COL6A3: variants seen among roughly 807,000 people sequenced by gnomAD.
COL6A3 encodes the protein collagen alpha-3(VI) chain.
In COL6A3, 137 loss-of-function variants were observed where a neutral mutation model predicts 274.1. The ratio of observed to expected loss-of-function variants is 0.50; its 90% CI spans 0.44 to 0.58. COL6A3 has a LOEUF of 0.58. Among genes scored for constraint, COL6A3 ranks in the 20% least tolerant of loss-of-function variants. The pLI, the probability that COL6A3 is intolerant of heterozygous loss-of-function variation, is 0.00. For synonymous variants in COL6A3, 1,650 were observed against 1,650.6 expected (o/e 1.00, Z 0.01); for missense variants, 3,950 against 4,124.9 (o/e 0.96, Z 1.16).
Position 237,374,365 on chromosome 2 carries a change from C to T in COL6A3, c.3679+47G>A. 1 of 1,604,144 alleles carries T rather than the reference C, an allele frequency of 6.2e-7. No homozygotes were observed. Among genetic ancestry groups the T allele is most frequent in the Non-Finnish European group, 8.5e-7 (1 of 1,179,536 alleles). ...TGTGGCCCACAGTCCAGACAAGTAG[C>T]CCCAGACAATGACACTGAGTGAGGA... is the stretch of plus-strand genomic sequence containing the variant. On this transcript the variant is annotated intron_variant, in intron 8 of 43. Coordinates refer to ENST00000295550, the MANE Select transcript of COL6A3 (RefSeq NM_004369.4). The surrounding 1 kb of genome is among the most constrained non-coding windows in gnomAD (Gnocchi z 4.8).
At chr2:237,387,237 A>G (rs1223913142) in intron 4 of COL6A3, among the ~76,000 whole-genome samples, 1 of 152,184 alleles carries the variant, frequency 6.6e-6, no homozygotes, top group African/African-American at 2.4e-5. Flanking sequence ...CAGAACTGTA[A>G]TGAGCCCCTC....
intron 20 of COL6A3, 86 bp downstream of exon 20, chr2:237,358,949 A>C: frequency 6.8e-7 from 1 of 1,477,908 alleles, no homozygotes; most frequent in Non-Finnish European, 9.5e-7. Flanking sequence ...AGCGGGCTTG[A>C]TGTATATGAG....
rs577215074 is a variant in COL6A3 at position 237,381,313 on chromosome 2, T to C, written c.1499A>G (p.Asn500Ser). The change falls in exon 5 of 44, where the codon AAT (asparagine) becomes AGT (serine). Residue 500 changes from asparagine (N) to serine (S), a missense_variant. Asn to Ser is a conservative substitution (Grantham distance 46). This residue lies in a region of COL6A3 where 1,934 missense variants were observed against 1,984.3 expected (regional missense o/e 0.97). Coordinates refer to ENST00000295550, the MANE Select transcript of COL6A3 (RefSeq NM_004369.4). ...ADTVRPEFYF[N>S]THPTKREVIT... ...GACTTCCCTTTTTGTTGGATGGGTA[T>C]TGAAATAAAATTCAGGCCTCACAGT... 6.2e-7 allele frequency: 1 copy of C among 1,614,256 alleles called. No individual in the cohort carries two copies. The highest frequency in any genetic ancestry group is 8.5e-7 in the Non-Finnish European group (1 of 1,180,048).
chr2:237,373,491 G>A (rs1012409015), intron 8 of COL6A3, among the ~76,000 whole-genome samples: 1 of 152,156 alleles, frequency 6.6e-6, no homozygotes, highest in Non-Finnish European at 1.5e-5. Flanking sequence ...CCAGGCACCA[G>A]CGAGGAGAAA....
intron 5 of COL6A3, 102 bp downstream of exon 5, chr2:237,380,813 G>T (rs1452936030): frequency 9.3e-7 from 1 of 1,078,546 alleles, no homozygotes; most frequent in Non-Finnish European, 1.4e-6. Flanking sequence ...TTCATCATTT[G>T]TTGTCTCTTA....
Position 237,407,032 on chromosome 2 carries a change from C to G in COL6A3, c.-31+6921G>C, listed in dbSNP as rs954817161. On this transcript the variant is annotated intron_variant, in intron 1 of 43. Transcript: ENST00000295550. The surrounding 1 kb of genome is among the most constrained non-coding windows in gnomAD (Gnocchi z 4.3). ...TCAAGCAATCCTCCCACCTCAGCCT[C>G]CCAAGTAGCTAGGACTACAGGTGTG... 6.6e-6 allele frequency among the ~76,000 whole-genome samples: 1 copy of G among 151,574 alleles called. No homozygotes were observed. The highest frequency in any genetic ancestry group is 2.4e-5 in the African/African-American group (1 of 41,252).
At chr2:237,385,766 T>C (rs1307676443) in intron 4 of COL6A3, among the ~76,000 whole-genome samples, 2 of 152,206 alleles carry the variant, frequency 1.3e-5, no homozygotes, top group Non-Finnish European at 2.9e-5. Flanking sequence ...CATGAGCAGC[T>C]CCAGGCACCG....
At chr2:237,355,962 G>T (rs1035199709) in intron 23 of COL6A3, among the ~76,000 whole-genome samples, 1 of 152,150 alleles carries the variant, frequency 6.6e-6, no homozygotes, top group South Asian at 2.1e-4. Flanking sequence ...GGCCGCCTGC[G>T]GAGACTCTAG....
Position 237,325,670 on chromosome 2 carries a change from C to T in COL6A3, c.9383G>A (p.Trp3128Ter). 1 of 1,614,040 alleles carries T rather than the reference C, an allele frequency of 6.2e-7. No individual in the cohort carries two copies. The highest frequency in any genetic ancestry group is 8.5e-7 in the Non-Finnish European group (1 of 1,179,928). ...GCTTTTGGTGTTTGGATCATAGTAC[C>T]ATTTTAATATGAAATCCCTGCAAGT... is the stretch of plus-strand genomic sequence containing the variant. ...EGTCRDFILK[W>*]YYDPNTKSCA... Residue 3128 changes from tryptophan (W) to a stop codon, truncating the protein, a stop_gained, in exon 43 of 44, where the codon TGG (tryptophan) becomes TAG (stop). Coordinates refer to ENST00000295550, the MANE Select transcript of COL6A3 (RefSeq NM_004369.4). LOFTEE classifies it high-confidence loss of function.
chr2:237,337,847 G>T (rs746298602), intron 39 of COL6A3, among the ~76,000 whole-genome samples: 2 of 151,602 alleles, frequency 1.3e-5, no homozygotes, highest in African/African-American at 4.9e-5. Flanking sequence ...CAGCAGCATC[G>T]GCATGGGTGC....
At chr2:237,377,371 A>G in intron 6 of COL6A3, 27 bp from the exon 7 acceptor site, 2 of 1,596,408 alleles carry the variant, frequency 1.3e-6, no homozygotes, top group Non-Finnish European at 8.5e-7. Context: ...TTAGGATACA[A>G]TGAGGGACGA....
chr2:237,391,283 C>T (rs2078279945), intron 3 of COL6A3, among the ~76,000 whole-genome samples: 1 of 152,100 alleles, frequency 6.6e-6, no homozygotes, highest in South Asian at 2.1e-4. Context: ...CTGCTAGTGG[C>T]TTGGACACTA....
In COL6A3 at chr2:237,365,846, G is replaced by A. The variant is rs370806359; in HGVS notation, c.5690C>T (p.Pro1897Leu). 107 of 1,614,136 alleles carry A rather than the reference G, an allele frequency of 6.6e-5. No individual in the cohort carries two copies. The highest frequency in any genetic ancestry group is 1.1e-4 in the East Asian group (5 of 44,882). Residue 1897 changes from proline to leucine, a missense_variant, in exon 12 of 44, where the codon CCG becomes CTG. Coordinates refer to ENST00000295550, the MANE Select transcript of COL6A3 (RefSeq NM_004369.4). The part of the protein sequence containing the change: ...VSVVANTPSG[P>L]VEAFDFDEYQ... ...CTCGTCAAAGTCAAAGGCCTCCACC[G>A]GGCCCGAGGGCGTGTTGGCCACCAC... is the stretch of plus-strand genomic sequence containing the variant.
chr2:237,369,498 C>T (rs1430782467), intron 9 of COL6A3, among the ~76,000 whole-genome samples: 13 of 152,166 alleles, frequency 8.5e-5, no homozygotes, highest in Admixed American at 7.9e-4. Context: ...CTTGGGCTAC[C>T]GTAATCTACA....
rs2077070141 is a variant in COL6A3 at position 237,345,029 on chromosome 2, T to C, written c.7162+29A>G. The C allele has an allele frequency of 9.3e-6, 15 of 1,613,924 alleles. No individual in the cohort carries two copies. The East Asian group carries it at 3.1e-4, about 34-fold the overall frequency. On this transcript the variant is annotated intron_variant, in intron 34 of 43. Coordinates refer to ENST00000295550, the MANE Select transcript of COL6A3 (RefSeq NM_004369.4). ...GAATTTCGAATGTAAAAATATGCAT[T>C]GTGAGACAACAGAAAATCATGTACT...
chr2:237,362,146 A>C (rs2077451665), intron 14 of COL6A3, among the ~76,000 whole-genome samples: 1 of 152,350 alleles, frequency 6.6e-6, no homozygotes, highest in East Asian at 1.9e-4. Flanking sequence ...CCATCATCAG[A>C]TCTTAACTAT....
rs1182706892 is a variant in COL6A3, at chr2:237,351,246, T to C, written c.6754-54A>G. On this transcript the variant is annotated intron_variant, in intron 26 of 43. Coordinates refer to ENST00000295550, the MANE Select transcript of COL6A3 (RefSeq NM_004369.4). ...TGAAGTGGCCAACCGTCCAGGCAAA[T>C]TGGTCTCTGAAACCTGACTCTCCCC... 1.2e-5 allele frequency: 19 copies of C among 1,573,928 alleles called. No homozygotes were observed. The African/African-American group carries it at 1.6e-4, about 13-fold the overall frequency.
chr2:237,377,473 G>A, intron 6 of COL6A3, 129 bp from the exon 7 acceptor site: 3 of 913,376 alleles, frequency 3.3e-6, no homozygotes, highest in Non-Finnish European at 5.2e-6. Flanking sequence ...GCCAGCAAGA[G>A]AAGAGAAAAC....
rs553363584 is a variant in COL6A3 at position 237,362,972 on chromosome 2, C to T, written c.6063+281G>A. 6.6e-5 allele frequency among the ~76,000 whole-genome samples: 10 copies of T among 152,258 alleles called. No homozygotes were observed. In the South Asian group the frequency reaches 2.1e-3, roughly 32 times the overall value. On this transcript the variant is annotated intron_variant, in intron 14 of 43. Coordinates refer to ENST00000295550, the MANE Select transcript of COL6A3 (RefSeq NM_004369.4). ...ATCCCTGCAATGGTGTTAAAAGAGG[C>T]CGTTGCTAAGGGAGCAGAGAAAATG...
Sources: allele counts gnomAD v4.1 joint callset (sites outside exome capture counted in the v4.1 genomes callset), GRCh38; gene constraint gnomAD v4.1.1; regional missense constraint gnomAD v4.1.1; non-coding constraint Gnocchi (gnomAD v3.1); transcripts MANE v1.5; gene names NCBI Gene and HGNC (gene_info 2026-07-23, HGNC 2026-07-21).